The following AFG2A variants were observed in gnomAD, a reference collection of about 807,000 sequenced individuals.
The protein encoded by AFG2A is ATPase family gene 2 protein homolog A.
the AFG2A span, among the ~76,000 whole-genome samples, chr4:123,222,929 C>T: frequency 3.3e-5 from 5 of 152,158 alleles, no homozygotes; most frequent in South Asian, 1.0e-3. Flanking sequence ...TTCTTTAATC[C>T]ATTCATCTGT....
the AFG2A span, among the ~76,000 whole-genome samples, chr4:123,022,829 T>C: frequency 2.0e-5 from 3 of 151,954 alleles, no homozygotes; most frequent in African/African-American, 7.3e-5. Context: ...ATGTGGCACA[T>C]ATACACCATG....
At chr4:123,064,612 A>G in the AFG2A span, among the ~76,000 whole-genome samples, 1 of 152,220 alleles carries the variant, frequency 6.6e-6, no homozygotes, top group South Asian at 2.1e-4. Context: ...TGTCATCAAA[A>G]GTGCAGACAT....
the AFG2A span, among the ~76,000 whole-genome samples, chr4:123,175,406 TGAG>T: frequency 6.6e-6 from 1 of 152,298 alleles, no homozygotes; most frequent in South Asian, 2.1e-4. Flanking sequence ...TTCAACCTTA[TGAG>T]GAATTAGAGA....
chr4:123,027,954 GACTT>G, the AFG2A span, among the ~76,000 whole-genome samples: 2,993 of 123,506 alleles, frequency 0.024, 92 homozygotes, highest in African/African-American at 0.085. Context: ...ATTTATATGA[GACTT>G]ACAAGCAGAA....
At chr4:123,027,185 C>T in the AFG2A span, among the ~76,000 whole-genome samples, 1 of 151,928 alleles carries the variant, frequency 6.6e-6, no homozygotes, top group South Asian at 2.1e-4. Context: ...GAGAAATCTT[C>T]CAGAAGGACA....
chr4:122,924,165 C>G, the AFG2A span, among the ~76,000 whole-genome samples: 1 of 152,164 alleles, frequency 6.6e-6, no homozygotes, highest in Non-Finnish European at 1.5e-5. Flanking sequence ...TTGTTCTGTC[C>G]TGAAGGTTCA....
chr4:123,049,710 G>C, the AFG2A span, among the ~76,000 whole-genome samples: 1 of 151,336 alleles, frequency 6.6e-6, no homozygotes, highest in Non-Finnish European at 1.5e-5. Context: ...TATTTATTTA[G>C]GTGTTCTTTT....
chr4:123,237,047 G>A, the AFG2A span, among the ~76,000 whole-genome samples: 1 of 152,170 alleles, frequency 6.6e-6, no homozygotes, highest in African/African-American at 2.4e-5. Flanking sequence ...GCACAGTGAA[G>A]GTTAAAAACC....
At chr4:123,024,473 A>C in the AFG2A span, among the ~76,000 whole-genome samples, 1 of 152,194 alleles carries the variant, frequency 6.6e-6, no homozygotes, top group African/African-American at 2.4e-5. Context: ...AGGTGGTGTA[A>C]GCGTTTGCTC....
the AFG2A span, among the ~76,000 whole-genome samples, chr4:123,171,371 A>T: frequency 5.9e-5 from 9 of 152,196 alleles, no homozygotes; most frequent in Non-Finnish European, 1.2e-4. Flanking sequence ...CCAACTAAGG[A>T]AACAAAAGCA....
chr4:122,997,669 G>C, the AFG2A span, among the ~76,000 whole-genome samples: 1 of 152,126 alleles, frequency 6.6e-6, no homozygotes, highest in Non-Finnish European at 1.5e-5. Context: ...AAGTGGAATT[G>C]CTGAGTCATA....
chr4:123,167,570 C>A, the AFG2A span, among the ~76,000 whole-genome samples: 1 of 151,988 alleles, frequency 6.6e-6, no homozygotes, highest in Non-Finnish European at 1.5e-5. Context: ...GATGGTCTCG[C>A]TCTCCTGACC....
At chr4:123,238,020 TTCTC>T in the AFG2A span, among the ~76,000 whole-genome samples, 1 of 152,226 alleles carries the variant, frequency 6.6e-6, no homozygotes, top group Non-Finnish European at 1.5e-5. Flanking sequence ...GACAAGGAGA[TTCTC>T]TCCCGTGCCT....
chr4:123,131,228 T>A, the AFG2A span, among the ~76,000 whole-genome samples: 3 of 152,184 alleles, frequency 2.0e-5, no homozygotes, highest in Non-Finnish European at 4.4e-5. Context: ...GCAAAAAATT[T>A]TAGTTTTGAA....
the AFG2A span, chr4:122,979,441 A>T: frequency 1.9e-6 from 3 of 1,560,092 alleles, no homozygotes; most frequent in African/African-American, 1.4e-5. Context: ...CTCTGAAAAA[A>T]ATTTAGAGTT....
chr4:123,306,516 GTA>G, the AFG2A span, among the ~76,000 whole-genome samples: 104,209 of 150,922 alleles, frequency 0.69, 38,042 homozygotes, highest in Non-Finnish European at 0.81. Context: ...GCAAAAAGCT[GTA>G]TATATATATA....
At chr4:123,270,617 A>G in the AFG2A span, among the ~76,000 whole-genome samples, 1 of 152,346 alleles carries the variant, frequency 6.6e-6, no homozygotes, top group African/African-American at 2.4e-5. Flanking sequence ...ATGGAATTAA[A>G]GAGGAATACT....
At chr4:123,076,698 T>C in the AFG2A span, among the ~76,000 whole-genome samples, 4 of 152,092 alleles carry the variant, frequency 2.6e-5, no homozygotes, top group Non-Finnish European at 5.9e-5. Context: ...GGGATTTTTT[T>C]CCCCTCTTAA....
At chr4:122,961,589 C>T in the AFG2A span, among the ~76,000 whole-genome samples, 1 of 152,212 alleles carries the variant, frequency 6.6e-6, no homozygotes, top group Non-Finnish European at 1.5e-5. Context: ...ACTGCAACCT[C>T]TGCCTCCTGG....
Sources: allele counts gnomAD v4.1 joint callset (sites outside exome capture counted in the v4.1 genomes callset), GRCh38; gene constraint gnomAD v4.1.1; transcripts MANE v1.5; gene names NCBI Gene and HGNC (gene_info 2026-07-23, HGNC 2026-07-21).